The following CCDC88C variants were observed in gnomAD, a reference collection of about 807,000 sequenced individuals.
The protein encoded by CCDC88C is protein Daple.
A neutral mutation model predicts 198.8 loss-of-function variants in CCDC88C; 131 were observed. The ratio of observed to expected loss-of-function variants is 0.66; its 90% CI spans 0.57 to 0.76. The LOEUF is 0.76. Among genes scored for constraint, CCDC88C ranks in the 30% least tolerant of loss-of-function variants. The pLI is 0.00. For synonymous variants in CCDC88C, 1,166 were observed against 1,114.7 expected (o/e 1.05, Z -0.92); for missense variants, 2,553 against 2,631.6 (o/e 0.97, Z 0.65).
At position 91,371,370 on chromosome 14, in the gene CCDC88C, T is replaced by C. The variant is rs1894790845; in HGVS notation, c.271-11659A>G. Among the ~76,000 whole-genome samples the C allele has an allele frequency of 6.6e-6, 1 of 151,740 alleles. No homozygotes were observed. Among genetic ancestry groups the C allele is most frequent in the African/African-American group, 2.4e-5 (1 of 41,080 alleles). The stretch of plus-strand genomic sequence containing the variant: ...TGGCCAGAGGAAACTACGGTATGCA[T>C]GCAGGGTGGGCTGGGACAGGCATGA... On this transcript the variant is annotated intron_variant, in intron 3 of 29. Coordinates refer to ENST00000389857, the MANE Select transcript of CCDC88C (RefSeq NM_001080414.4). The surrounding 1 kb of genome is among the most constrained non-coding windows in gnomAD (Gnocchi z 4.2).
chr14:91,339,912 A>G lies in CCDC88C; in HGVS notation c.596T>C (p.Leu199Pro). 1.9e-6 allele frequency: 3 copies of G among 1,592,366 alleles called. No individual in the cohort carries two copies. The highest frequency in any genetic ancestry group is 2.6e-6 in the Non-Finnish European group (3 of 1,170,656). ...GGTGCACTCGTCCCGCTGGTCGATG[A>G]GCCTCCGCAGGTGGAGCACCATGCT... is the stretch of plus-strand genomic sequence containing the variant. ...SRSMVLHLRR[L>P]IDQRDECTEL... The change falls in exon 7 of 30, where the codon CTC becomes CCC. Residue 199 changes from leucine to proline, a missense_variant. This residue lies in a region of CCDC88C where 1,260 missense variants were observed against 1,412.0 expected (regional missense o/e 0.89). Transcript: ENST00000389857. This position sits in a 1 kb window ranked among gnomAD's most constrained non-coding sequence, Gnocchi z 5.8.
chr14:91,328,960 C>T (rs1224902770), intron 10 of CCDC88C, among the ~76,000 whole-genome samples: 2 of 152,184 alleles, frequency 1.3e-5, no homozygotes, highest in African/African-American at 4.8e-5. Flanking sequence ...CGCCAGGGAG[C>T]TCTGTAGCAA....
Position 91,307,324 on chromosome 14 carries a change from C to T in CCDC88C, c.3007-98G>A, listed in dbSNP as rs1053597166. On this transcript the variant is annotated intron_variant, in intron 17 of 29. Coordinates refer to ENST00000389857, the MANE Select transcript of CCDC88C (RefSeq NM_001080414.4). ...AGGGCAACCTGCACCACACCCTCCA[C>T]ACTCCCCATACTCGCCCGCCCTGGT... 1.0e-5 allele frequency: 11 copies of T among 1,047,822 alleles called. No homozygotes were observed. In the African/African-American group the frequency reaches 1.6e-4, roughly 15 times the overall value. The allele number at this position is 1,047,822 out of a possible 1,614,324, so 64.9% of individuals were successfully genotyped here. A position where few individuals can be genotyped will look rare whatever the true frequency, so the allele number is the denominator to read the frequency against.
At chr14:91,394,333 C>T (rs569367663) in intron 3 of CCDC88C, among the ~76,000 whole-genome samples, 9 of 152,318 alleles carry the variant, frequency 5.9e-5, no homozygotes, top group African/African-American at 7.2e-5. Flanking sequence ...ACCTCCATAC[C>T]GGTTTACCCC....
At position 91,275,439 on chromosome 14, in the gene CCDC88C, A is replaced by G. The variant is rs183324736; in HGVS notation, c.5059-1786T>C. ...AGCCTTCCAGCTGTGGGCCCCCCCAATTTCTGGAGTGTTCTTGTTCAGTCC... is the reference window on the plus strand; with the variant it reads ...AGCCTTCCAGCTGTGGGCCCCCCCAGTTTCTGGAGTGTTCTTGTTCAGTCC... On this transcript the variant is annotated intron_variant, in intron 29 of 29. Transcript: ENST00000389857. Among the ~76,000 whole-genome samples, 46 of 151,724 alleles carry G rather than the reference A, an allele frequency of 3.0e-4. No homozygotes were observed. The East Asian group carries it at 7.2e-3, about 24-fold the overall frequency.
At chr14:91,349,216 A>G (rs552833823) in intron 4 of CCDC88C, among the ~76,000 whole-genome samples, 1 of 152,266 alleles carries the variant, frequency 6.6e-6, no homozygotes, top group East Asian at 1.9e-4. Context: ...AGCAATCAGA[A>G]AGCTGATAAA....
chr14:91,342,305 T>C (rs1893344212), intron 6 of CCDC88C, 75 bp downstream of exon 6: 10 of 842,960 alleles, frequency 1.2e-5, no homozygotes, highest in South Asian at 1.0e-4. Context: ...TTTCCACTCA[T>C]AGAGAAGTTT....
intron 13 of CCDC88C, among the ~76,000 whole-genome samples, chr14:91,318,917 CA>C (rs61183857): frequency 0.073 from 7,650 of 104,824 alleles, 128 homozygotes; most frequent in Middle Eastern, 0.1. Context: ...AGACTCCGTC[CA>C]AAAAAAAAAA....
chr14:91,416,555 G>A (rs562733687), intron 2 of CCDC88C, among the ~76,000 whole-genome samples, 183 bp downstream of exon 2: 1 of 152,148 alleles, frequency 6.6e-6, no homozygotes, highest in Admixed American at 6.5e-5. Context: ...CCACTGTCCT[G>A]GAGTTCTTCA....
intron 3 of CCDC88C, among the ~76,000 whole-genome samples, chr14:91,386,625 G>A (rs1005025668): frequency 5.3e-5 from 8 of 152,176 alleles, no homozygotes; most frequent in African/African-American, 1.7e-4. Context: ...CTCCATGCTC[G>A]GGCCAATCTG....
intron 13 of CCDC88C, 31 bp downstream of exon 13, chr14:91,321,089 C>A: frequency 1.3e-6 from 2 of 1,576,180 alleles, no homozygotes; most frequent in Non-Finnish European, 1.7e-6. Context: ...GGGTTCTGTG[C>A]TTCCCCGGTG....
chr14:91,308,274 G>A, intron 17 of CCDC88C, 77 bp downstream of exon 17: 1 of 1,555,834 alleles, frequency 6.4e-7, no homozygotes, highest in Non-Finnish European at 8.8e-7. Context: ...CCACCCCACT[G>A]CTATACAGGT....
chr14:91,417,508 G>T, intron 1 of CCDC88C, 123 bp downstream of exon 1: 1 of 785,106 alleles, frequency 1.3e-6, no homozygotes, highest in Non-Finnish European at 2.0e-6. Context: ...GGAGCCACTT[G>T]CTGCGTCCCT....
intron 10 of CCDC88C, among the ~76,000 whole-genome samples, chr14:91,335,173 T>C (rs1892997262): frequency 1.3e-5 from 2 of 152,114 alleles, no homozygotes; most frequent in South Asian, 4.2e-4. Flanking sequence ...GGGTTCCTCA[T>C]CCGGTGGGAC....
At chr14:91,322,210 AC>A (rs1441379191) in intron 12 of CCDC88C, among the ~76,000 whole-genome samples, 3 of 151,782 alleles carry the variant, frequency 2.0e-5, no homozygotes, top group Admixed American at 6.6e-5. Context: ...CTACCTCTTC[AC>A]CCCAGGGGCT....
At chr14:91,375,014 G>C (rs941765) in intron 3 of CCDC88C, among the ~76,000 whole-genome samples, 57,629 of 152,086 alleles carry the variant, frequency 0.38, 11,621 homozygotes, top group African/African-American at 0.51. Context: ...AACATGCCGA[G>C]GGGATGTGGG....
intron 10 of CCDC88C, among the ~76,000 whole-genome samples, chr14:91,333,975 CT>C (rs1188952687): frequency 1.3e-5 from 2 of 152,206 alleles, no homozygotes; most frequent in African/African-American, 2.4e-5. Context: ...TCCCGCTGAC[CT>C]TTTACTTGGA....
At chr14:91,345,764 G>C (rs932792219) in intron 4 of CCDC88C, among the ~76,000 whole-genome samples, 6 of 152,004 alleles carry the variant, frequency 3.9e-5, no homozygotes, top group Non-Finnish European at 8.8e-5. Context: ...ATCTTCACCT[G>C]TTTATCTATC....
chr14:91,284,304 G>A lies in CCDC88C; in HGVS notation c.4442-787C>T, dbSNP rs775046823. Among the ~76,000 whole-genome samples the A allele has an allele frequency of 6.6e-6, 1 of 152,130 alleles. No individual in the cohort carries two copies. Among genetic ancestry groups the A allele is most frequent in the Non-Finnish European group, 1.5e-5 (1 of 68,030 alleles). On this transcript the variant is annotated intron_variant, in intron 25 of 29. Coordinates refer to ENST00000389857, the MANE Select transcript of CCDC88C (RefSeq NM_001080414.4). The surrounding 1 kb of genome is among the most constrained non-coding windows in gnomAD (Gnocchi z 4.1). The stretch of plus-strand genomic sequence containing the variant: ...GAGCCAGGACTCACTGTTGCAGTTC[G>A]GCTTCTCCACCCATCAAGCCGTCTG...
Sources: allele counts gnomAD v4.1 joint callset (sites outside exome capture counted in the v4.1 genomes callset), GRCh38; gene constraint gnomAD v4.1.1; regional missense constraint gnomAD v4.1.1; non-coding constraint Gnocchi (gnomAD v3.1); transcripts MANE v1.5; gene names NCBI Gene and HGNC (gene_info 2026-07-23, HGNC 2026-07-21).